The following BICRA variants were observed in gnomAD, a reference collection of about 807,000 sequenced individuals.
BICRA encodes the protein BRD4-interacting chromatin-remodeling complex-associated protein.
A neutral mutation model predicts 96.9 loss-of-function variants in BICRA; 31 were observed. The ratio of observed to expected loss-of-function variants is 0.32; its 90% CI spans 0.24 to 0.43. The LOEUF is 0.43. Ranked by LOEUF, BICRA falls within the 20% of genes least tolerant of loss-of-function variation. BICRA has a pLI of 1.00. For missense variants in BICRA, 2,283 were observed against 2,190.3 expected, an observed-to-expected ratio of 1.04 and a Z score of -0.84; for synonymous variants, 1,350 against 1,071.8, an observed-to-expected ratio of 1.26 and a Z score of -5.07.
intron 2 of BICRA, among the ~76,000 whole-genome samples, chr19:47,673,211 G>T (rs761407748): frequency 8.5e-5 from 13 of 152,106 alleles, no homozygotes; most frequent in African/African-American, 1.2e-4. Context: ...GACCCTCCCG[G>T]TGCCTCCAGT....
At position 47,701,117 on chromosome 19, in the gene BICRA, G is replaced by C. The variant is rs1444262221; in HGVS notation, c.3596-211G>C. 6.9e-6 allele frequency: 4 copies of C among 578,838 alleles called. No homozygotes were observed. Among genetic ancestry groups the C allele is most frequent in the East Asian group, 2.9e-5 (1 of 34,158 alleles). The allele number at this position is 578,838 out of a possible 1,614,324, so 35.9% of individuals were successfully genotyped here. On this transcript the variant is annotated intron_variant, in intron 14 of 14. Coordinates refer to ENST00000594866, the MANE Select transcript of BICRA (RefSeq NM_001394372.1). This position sits in a 1 kb window ranked among gnomAD's most constrained non-coding sequence, Gnocchi z 5.4. ...TGTCTGAATGAGCCCCACGTGGCTCGTGGCGCTGTGCCAGGCACAGTGGTT... is the reference window on the plus strand; with the variant it reads ...TGTCTGAATGAGCCCCACGTGGCTCCTGGCGCTGTGCCAGGCACAGTGGTT...
chr19:47,671,739 G>T (rs950003019), intron 2 of BICRA, among the ~76,000 whole-genome samples: 2 of 149,068 alleles, frequency 1.3e-5, no homozygotes, highest in African/African-American at 5.0e-5. Flanking sequence ...GGAGGGGATG[G>T]GTAGGTAGAT....
chr19:47,624,431 A>G (rs1210035688), intron 1 of BICRA, among the ~76,000 whole-genome samples: 1 of 152,212 alleles, frequency 6.6e-6, no homozygotes, highest in East Asian at 1.9e-4. Flanking sequence ...AGTGGATACA[A>G]AAGTTACGTT....
At chr19:47,686,850 T>TA (rs1973166655) in intron 7 of BICRA, among the ~76,000 whole-genome samples, 1 of 152,320 alleles carries the variant, frequency 6.6e-6, no homozygotes, top group East Asian at 1.9e-4. Flanking sequence ...CTTGGCCACT[T>TA]ACAGGCCCTG....
At chr19:47,624,529 C>A (rs559727303) in intron 1 of BICRA, among the ~76,000 whole-genome samples, 1 of 152,184 alleles carries the variant, frequency 6.6e-6, no homozygotes, top group South Asian at 2.1e-4. Flanking sequence ...TGCTTTATTG[C>A]TAAAATATGC....
Position 47,656,901 on chromosome 19 carries a change from G to A in BICRA, c.-107-13542G>A, listed in dbSNP as rs542942599. 1.1e-4 allele frequency among the ~76,000 whole-genome samples: 17 copies of A among 151,800 alleles called. No individual in the cohort carries two copies. The South Asian group carries it at 2.9e-3, about 26-fold the overall frequency. On this transcript the variant is annotated intron_variant, in intron 1 of 14. Transcript: ENST00000594866. ...TTTTAAGATGGAGTCTTGCTCTGTCGCCCAGGCTGGAGTGCAGTGTGGCGA... is the reference window on the plus strand; with the variant it reads ...TTTTAAGATGGAGTCTTGCTCTGTCACCCAGGCTGGAGTGCAGTGTGGCGA...
intron 1 of BICRA, among the ~76,000 whole-genome samples, chr19:47,638,811 T>A (rs1041730597): frequency 1.3e-5 from 2 of 151,962 alleles, no homozygotes; most frequent in African/African-American, 4.8e-5. Flanking sequence ...GCCGCCACCA[T>A]GCCCGGCTAG....
At chr19:47,628,764 C>A (rs902375462) in intron 1 of BICRA, among the ~76,000 whole-genome samples, 1 of 152,026 alleles carries the variant, frequency 6.6e-6, no homozygotes, top group Non-Finnish European at 1.5e-5. Flanking sequence ...GCCACCACAC[C>A]CAGCTAATTT....
Position 47,675,468 on chromosome 19 carries a change from C to G in BICRA, c.85-383C>G, listed in dbSNP as rs1004692562. Among the ~76,000 whole-genome samples, 6 of 152,178 alleles carry G rather than the reference C, an allele frequency of 3.9e-5. No individual in the cohort carries two copies. Among genetic ancestry groups the G allele is most frequent in the Admixed American group, 3.9e-4 (6 of 15,276 alleles). On this transcript the variant is annotated intron_variant, in intron 4 of 14. Transcript: ENST00000594866. This position sits in a 1 kb window ranked among gnomAD's most constrained non-coding sequence, Gnocchi z 4.7. ...CTCAGGCTGCGTTGGGAAAGGAGTA[C>G]TTAGTGAGAAGGGACAGGAGCTGTT...
intron 7 of BICRA, among the ~76,000 whole-genome samples, chr19:47,685,020 G>T (rs1278391378): frequency 6.6e-6 from 1 of 152,118 alleles, no homozygotes; most frequent in Admixed American, 6.6e-5. Flanking sequence ...ACCCAGGCTG[G>T]AGTACACTGG....
chr19:47,644,393 T>C (rs893203514), intron 1 of BICRA, among the ~76,000 whole-genome samples: 1 of 151,760 alleles, frequency 6.6e-6, no homozygotes, highest in Non-Finnish European at 1.5e-5. Flanking sequence ...TCCTTTTCTT[T>C]TCTTTCTTTC....
In BICRA at chr19:47,692,289, C is replaced by T. The variant is rs1008723730; in HGVS notation, c.2284-1826C>T. 9.9e-5 allele frequency among the ~76,000 whole-genome samples: 15 copies of T among 151,960 alleles called. 1 individual carries two copies. The Middle Eastern group carries it at 0.014, about 138-fold the overall frequency. On this transcript the variant is annotated intron_variant, in intron 7 of 14. Coordinates refer to ENST00000594866, the MANE Select transcript of BICRA (RefSeq NM_001394372.1). ...GTGCCCAGGCTGGAGTGCAGTGGCG[C>T]GATCTCATTTCACTACAACCTCCGC...
chr19:47,640,686 G>A (rs889549091), intron 1 of BICRA, among the ~76,000 whole-genome samples: 7 of 152,018 alleles, frequency 4.6e-5, no homozygotes, highest in African/African-American at 1.7e-4. Context: ...CATTGTAACC[G>A]GCCCTTGCTG....
chr19:47,679,180 C>T (rs1183743953), intron 5 of BICRA, 141 bp from the exon 6 acceptor site: 7 of 526,520 alleles, frequency 1.3e-5, no homozygotes, highest in African/African-American at 6.0e-5. Flanking sequence ...AGATTACAAG[C>T]GTGAACCACC....
chr19:47,684,453 A>G (rs1304700590), intron 7 of BICRA, among the ~76,000 whole-genome samples: 1 of 151,998 alleles, frequency 6.6e-6, no homozygotes, highest in Non-Finnish European at 1.5e-5. Context: ...AATTGCTGGG[A>G]TTTACAGGCG....
chr19:47,612,275 C>T (rs1236729582), intron 1 of BICRA, among the ~76,000 whole-genome samples: 1 of 151,834 alleles, frequency 6.6e-6, no homozygotes, highest in Non-Finnish European at 1.5e-5. Context: ...ATTAGTTGGG[C>T]ATGGTGGCAC....
chr19:47,681,339 C>T (rs1973055455), intron 6 of BICRA, 63 bp downstream of exon 6: 4 of 1,432,952 alleles, frequency 2.8e-6, no homozygotes, highest in East Asian at 5.0e-5. Flanking sequence ...AAGAGGGGTC[C>T]TGGGGCGAGG....
intron 4 of BICRA, 82 bp downstream of exon 4, chr19:47,673,844 T>C: frequency 8.4e-7 from 1 of 1,195,922 alleles, no homozygotes; most frequent in Non-Finnish European, 1.2e-6. Flanking sequence ...GACATGTCCC[T>C]TTGATGAGGT....
chr19:47,682,122 C>T lies in BICRA; in HGVS notation c.2253C>T (p.Asp751=). 6.6e-7 allele frequency: 1 copy of T among 1,511,018 alleles called. No homozygotes were observed. The highest frequency in any genetic ancestry group is 9.0e-7 in the Non-Finnish European group (1 of 1,114,960). 93.6% of individuals were successfully genotyped at this position (1,511,018 alleles called of 1,614,324 possible). The change falls in exon 7 of 15, where the codon GAC becomes GAT. Residue 751 remains aspartate (D), a synonymous_variant. Transcript: ENST00000594866. The part of the protein sequence containing the change: ...KGAGLGPQAP[D]SQASPAPAPQ... ...CTGGCCTCGGCCCTCAGGCCCCCGA[C>T]AGCCAGGCTTCCCCGGCTCCGGCCC...
Sources: allele counts gnomAD v4.1 joint callset (sites outside exome capture counted in the v4.1 genomes callset), GRCh38; gene constraint gnomAD v4.1.1; non-coding constraint Gnocchi (gnomAD v3.1); transcripts MANE v1.5; gene names NCBI Gene and HGNC (gene_info 2026-07-23, HGNC 2026-07-21).